CDC73: variants seen among roughly 807,000 people sequenced by gnomAD.
CDC73 encodes parafibromin.
A neutral mutation model predicts 83.7 loss-of-function variants in CDC73; 21 were observed. The ratio of observed to expected loss-of-function variants is 0.25; its 90% CI spans 0.18 to 0.36. The LOEUF (loss-of-function observed/expected upper bound fraction) is 0.36, where lower values mean the gene tolerates loss of function less well. CDC73 is among the 10% of genes least tolerant of loss of function. The pLI, the probability that CDC73 is intolerant of heterozygous loss-of-function variation, is 1.00. For missense variants in CDC73, 342 were observed against 653.3 expected, an observed-to-expected ratio of 0.52 and a Z score of 5.19; for synonymous variants, 224 against 212.9, an observed-to-expected ratio of 1.05 and a Z score of -0.45.
chr1:193,161,372 TCTTA>T lies in CDC73; in HGVS notation c.972+8932_972+8935del, dbSNP rs1434672650. Among the ~76,000 whole-genome samples, 7 of 151,364 alleles carry T rather than the reference TCTTA, an allele frequency of 4.6e-5. No homozygotes were observed. In the East Asian group the frequency reaches 5.8e-4, roughly 12 times the overall value. ...TGCTTAGAAATGAAAAATTTTAAGA[TCTTA>T]CTTTTGTTTTAATTAGAGACAAAAG... On this transcript the variant is annotated intron_variant, in intron 10 of 16. Transcript: ENST00000367435.
At chr1:193,139,297 G>A (rs1243296975) in intron 6 of CDC73, among the ~76,000 whole-genome samples, 2 of 149,088 alleles carry the variant, frequency 1.3e-5, no homozygotes, top group Non-Finnish European at 3.0e-5. Context: ...ACGGAGTTTC[G>A]CTCTTGTGAC....
chr1:193,174,955 T>C (rs1367893367), intron 10 of CDC73, among the ~76,000 whole-genome samples: 5 of 152,254 alleles, frequency 3.3e-5, no homozygotes, highest in Non-Finnish European at 7.3e-5. Flanking sequence ...AGTCAAGTTG[T>C]AATTCACTAT....
chr1:193,177,529 A>T (rs150930859), intron 10 of CDC73, among the ~76,000 whole-genome samples: 1,773 of 120,560 alleles, frequency 0.015, 15 homozygotes, highest in South Asian at 0.039. Flanking sequence ...GACTCTGTCT[A>T]AAAAAAAAAA....
At chr1:193,122,382 C>A in intron 1 of CDC73, 51 bp downstream of exon 1, 3 of 1,612,102 alleles carry the variant, frequency 1.9e-6, no homozygotes, top group Admixed American at 1.7e-5. Flanking sequence ...AGTTGGGCGC[C>A]CCCAGGCGAC....
intron 13 of CDC73, among the ~76,000 whole-genome samples, chr1:193,224,183 C>G (rs1027238404): frequency 6.6e-6 from 1 of 152,022 alleles, no homozygotes; most frequent in Non-Finnish European, 1.5e-5. Context: ...AACTACCAGA[C>G]TACTCACTTC....
At chr1:193,207,933 T>A (rs1259199190) in intron 11 of CDC73, among the ~76,000 whole-genome samples, 3 of 152,218 alleles carry the variant, frequency 2.0e-5, no homozygotes, top group Non-Finnish European at 4.4e-5. Context: ...GTGCTGATGA[T>A]TTCCAAATTT....
At chr1:193,214,446 G>A (rs1021988603) in intron 13 of CDC73, among the ~76,000 whole-genome samples, 2 of 152,158 alleles carry the variant, frequency 1.3e-5, no homozygotes, top group African/African-American at 2.4e-5. Context: ...GGCTGGGCAC[G>A]GTGGCTCACG....
chr1:193,140,701 C>T (rs747163303), intron 6 of CDC73, among the ~76,000 whole-genome samples: 5 of 152,088 alleles, frequency 3.3e-5, no homozygotes, highest in African/African-American at 4.8e-5. Flanking sequence ...CATTCGTGTC[C>T]GGATATCCCA....
chr1:193,207,581 G>A (rs1489667155), intron 11 of CDC73, among the ~76,000 whole-genome samples: 10 of 152,074 alleles, frequency 6.6e-5, no homozygotes, highest in Admixed American at 6.6e-5. Flanking sequence ...AGAATTCAGC[G>A]ATATCTCTCT....
At chr1:193,208,069 T>A (rs981996411) in intron 11 of CDC73, among the ~76,000 whole-genome samples, 10 of 152,236 alleles carry the variant, frequency 6.6e-5, no homozygotes, top group African/African-American at 1.9e-4. Flanking sequence ...GGTCTCTTAC[T>A]CTATAGTCTT....
At chr1:193,193,826 T>TGG (rs1676959303) in intron 10 of CDC73, among the ~76,000 whole-genome samples, 2 of 123,770 alleles carry the variant, frequency 1.6e-5, no homozygotes, top group African/African-American at 5.5e-5. Flanking sequence ...TGTGTGTGTG[T>TGG]GTGTTGTGGG....
intron 15 of CDC73, among the ~76,000 whole-genome samples, chr1:193,247,462 C>T (rs1344777143): frequency 6.6e-6 from 1 of 151,924 alleles, no homozygotes; most frequent in East Asian, 1.9e-4. Context: ...AATAACCCTA[C>T]AGTGACCTCC....
At chr1:193,201,096 T>C (rs947764316) in intron 10 of CDC73, among the ~76,000 whole-genome samples, 3 of 147,234 alleles carry the variant, frequency 2.0e-5, no homozygotes, top group Non-Finnish European at 3.0e-5. Flanking sequence ...TTGGCGGGGG[T>C]GGGTGTGTAT....
chr1:193,219,047 A>G (rs897861790), intron 13 of CDC73, among the ~76,000 whole-genome samples: 5 of 152,228 alleles, frequency 3.3e-5, no homozygotes, highest in Non-Finnish European at 7.3e-5. Context: ...AAGGACCTTA[A>G]GCATAAAACA....
At chr1:193,245,277 C>A (rs1677934513) in intron 15 of CDC73, among the ~76,000 whole-genome samples, 1 of 152,144 alleles carries the variant, frequency 6.6e-6, no homozygotes, top group South Asian at 2.1e-4. Context: ...TTCCCCCTAC[C>A]CCCTACTCTT....
chr1:193,122,681 C>T, intron 1 of CDC73: 1 of 202,456 alleles, frequency 4.9e-6, no homozygotes, highest in Admixed American at 5.7e-5. Context: ...AGCACACCGT[C>T]TGGTGCCGTA....
intron 6 of CDC73, among the ~76,000 whole-genome samples, chr1:193,140,394 C>T (rs751114761): frequency 8.5e-5 from 13 of 152,168 alleles, no homozygotes; most frequent in Non-Finnish European, 1.2e-4. Context: ...GGTAGTCCCC[C>T]ATCCACCCTC....
At chr1:193,174,847 T>G (rs1676575451) in intron 10 of CDC73, among the ~76,000 whole-genome samples, 1 of 152,232 alleles carries the variant, frequency 6.6e-6, no homozygotes, top group Non-Finnish European at 1.5e-5. Flanking sequence ...ACTACTACCC[T>G]TTCTCACTAT....
chr1:193,178,499 G>A (rs762780242), intron 10 of CDC73, among the ~76,000 whole-genome samples: 1 of 152,088 alleles, frequency 6.6e-6, no homozygotes, highest in Non-Finnish European at 1.5e-5. Flanking sequence ...ACACACCTGT[G>A]TATGCACACA....
Sources: allele counts gnomAD v4.1 joint callset (sites outside exome capture counted in the v4.1 genomes callset), GRCh38; gene constraint gnomAD v4.1.1; transcripts MANE v1.5; gene names NCBI Gene and HGNC (gene_info 2026-07-23, HGNC 2026-07-21).